The following MRPL42 variants were observed in gnomAD, a reference collection of about 807,000 sequenced individuals.
MRPL42 encodes the protein mitochondrial ribosomal protein L42, also known as large ribosomal subunit protein mL42.
A neutral mutation model predicts 17.9 loss-of-function variants in MRPL42; 17 were observed. That is an observed-to-expected ratio of 0.95 (90% CI 0.65 to 1.42). MRPL42 has a LOEUF of 1.42. Ranked by LOEUF, MRPL42 falls within the 40% of genes most tolerant of loss-of-function variation. The pLI is 0.00. For missense variants in MRPL42, 177 were observed against 175.2 expected, an observed-to-expected ratio of 1.01 and a Z score of -0.06; for synonymous variants, 59 against 54.4, an observed-to-expected ratio of 1.08 and a Z score of -0.37.
At chr12:93,488,116 G>A (rs1156830706) in intron 5 of MRPL42, among the ~76,000 whole-genome samples, 4 of 152,030 alleles carry the variant, frequency 2.6e-5, no homozygotes, top group African/African-American at 7.2e-5. Flanking sequence ...GACTACAGGC[G>A]CATGCCACTA....
chr12:93,504,161 G>A lies in MRPL42; in HGVS notation c.*2940G>A, dbSNP rs1953638922. On this transcript the variant is annotated 3_prime_UTR_variant, in exon 6 of 6. Transcript: ENST00000549982. ...TTAAACTGTATACTTTTTGGGTTTT[G>A]GAGATGGAGGTTTGCTCTGCCCAAG... is the stretch of plus-strand genomic sequence containing the variant. The A allele has an allele frequency of 6.5e-6, 1 of 153,778 alleles. No homozygotes were observed. Among genetic ancestry groups the A allele is most frequent in the South Asian group, 2.0e-4 (1 of 4,898 alleles). 9.5% of individuals were successfully genotyped at this position (153,778 alleles called of 1,614,324 possible).
intron 2 of MRPL42, among the ~76,000 whole-genome samples, chr12:93,470,878 T>C (rs1879878510): frequency 6.6e-6 from 1 of 152,254 alleles, no homozygotes; most frequent in Non-Finnish European, 1.5e-5. Context: ...CTTGTTTCCA[T>C]GTCTTCGCTA....
intron 5 of MRPL42, chr12:93,500,602 A>G (rs1953571721): frequency 6.6e-6 from 1 of 152,160 alleles, no homozygotes; most frequent in African/African-American, 2.4e-5. Flanking sequence ...TGTAAATAAA[A>G]CTTTTAACAG....
chr12:93,483,101 G>A (rs1474182024), intron 4 of MRPL42, among the ~76,000 whole-genome samples: 1 of 152,016 alleles, frequency 6.6e-6, no homozygotes, highest in Non-Finnish European at 1.5e-5. Flanking sequence ...CGCCATGTTG[G>A]CCAGGCTGGT....
chr12:93,491,093 G>C (rs1258037222), intron 5 of MRPL42, among the ~76,000 whole-genome samples: 1 of 152,038 alleles, frequency 6.6e-6, no homozygotes, highest in African/African-American at 2.4e-5. Flanking sequence ...GTTTCACCAT[G>C]TTGGCCAGGC....
At chr12:93,487,827 C>G in intron 5 of MRPL42, 167 bp downstream of exon 5, 1 of 559,714 alleles carries the variant, frequency 1.8e-6, no homozygotes, top group Non-Finnish European at 3.0e-6. Context: ...GACAGGATCT[C>G]GCTCTGTCAC....
chr12:93,514,216 G>A lies in MRPL42; in HGVS notation c.*12995G>A, dbSNP rs557721736. ...TTCTCTTGAATTCTTTTAGTAACTA[G>A]GAGTTCACTACGTTTCCATGGACCT... On this transcript the variant is annotated 3_prime_UTR_variant, in exon 6 of 6. Coordinates refer to ENST00000549982, the MANE Select transcript of MRPL42 (RefSeq NM_014050.4). The A allele has an allele frequency of 6.5e-4, 99 of 151,892 alleles. No individual in the cohort carries two copies. The highest frequency in any genetic ancestry group is 2.2e-3 in the African/African-American group (90 of 41,416). The allele number at this position is 151,892 out of a possible 1,614,324, so 9.4% of individuals were successfully genotyped here.
In MRPL42 at chr12:93,507,098, T is replaced by A. The variant is rs1953679502; in HGVS notation, c.*5877T>A. ...ATATACATACTGATGAAATGTGCCT[T>A]TAGCAATAGATGTGTCCAGTGATGT... On this transcript the variant is annotated 3_prime_UTR_variant, in exon 6 of 6. Transcript: ENST00000549982. The A allele has an allele frequency of 6.6e-6, 1 of 152,232 alleles. No individual in the cohort carries two copies. Among genetic ancestry groups the A allele is most frequent in the African/African-American group, 2.4e-5 (1 of 41,466 alleles). 9.4% of individuals were successfully genotyped at this position (152,232 alleles called of 1,614,324 possible). A position where few individuals can be genotyped will look rare whatever the true frequency, so the allele number is the denominator to read the frequency against.
chr12:93,494,036 G>A (rs959119911), intron 5 of MRPL42, among the ~76,000 whole-genome samples: 4 of 129,022 alleles, frequency 3.1e-5, no homozygotes, highest in Non-Finnish European at 6.5e-5. Flanking sequence ...ATGGAAGGAA[G>A]GACATGTTCA....
At position 93,469,259 on chromosome 12, in the gene MRPL42, AC is replaced by A. The variant is rs778504268; in HGVS notation, c.-25del. The A allele has an allele frequency of 2.2e-5, 35 of 1,572,942 alleles. No homozygotes were observed. Among genetic ancestry groups the A allele is most frequent in the Non-Finnish European group, 2.8e-5 (32 of 1,158,204 alleles). On this transcript the variant is annotated 5_prime_UTR_variant, in exon 2 of 6. Coordinates refer to ENST00000549982, the MANE Select transcript of MRPL42 (RefSeq NM_014050.4). ...TTCTCTTCAGAACATCTTTTTTCAT[AC>A]CACTTGATAAGCATCTTGAAACACC...
rs969693375 is a variant in MRPL42, at chr12:93,515,428, G to A, written c.*14207G>A. 3 of 151,722 alleles carry A rather than the reference G, an allele frequency of 2.0e-5. No individual in the cohort carries two copies. The highest frequency in any genetic ancestry group is 4.4e-5 in the Non-Finnish European group (3 of 67,990). 9.4% of individuals were successfully genotyped at this position (151,722 alleles called of 1,614,324 possible). ...GTGTTGCCCAGGCTGGAGTGCAGTG[G>A]GGTGATCTCGGCTCACTGCAACCTC... On this transcript the variant is annotated 3_prime_UTR_variant, in exon 6 of 6. Transcript: ENST00000549982.
At position 93,501,548 on chromosome 12, in the gene MRPL42, C is replaced by T. The variant is rs777466345; in HGVS notation, c.*327C>T. On this transcript the variant is annotated 3_prime_UTR_variant, in exon 6 of 6. Coordinates refer to ENST00000549982, the MANE Select transcript of MRPL42 (RefSeq NM_014050.4). The stretch of plus-strand genomic sequence containing the variant: ...CAACACTTTATTATAAAACGGGCTT[C>T]GTGTTAGATAATTTTGCTAAACAGT... 1.2e-5 allele frequency: 2 copies of T among 172,170 alleles called. No homozygotes were observed. The highest frequency in any genetic ancestry group is 1.2e-5 in the Non-Finnish European group (1 of 81,742). The allele number at this position is 172,170 out of a possible 1,614,324, so 10.7% of individuals were successfully genotyped here. A position where few individuals can be genotyped will look rare whatever the true frequency, so the allele number is the denominator to read the frequency against.
rs1953764931 is a variant in MRPL42 at position 93,514,882 on chromosome 12, T to C, written c.*13661T>C. 1 of 152,148 alleles carries C rather than the reference T, an allele frequency of 6.6e-6. No individual in the cohort carries two copies. 9.4% of individuals were successfully genotyped at this position (152,148 alleles called of 1,614,324 possible). The stretch of plus-strand genomic sequence containing the variant: ...TTTTTTTACTGTGGACAGTATACTT[T>C]TACGAATGGTGCCAATAATGCATTA... On this transcript the variant is annotated 3_prime_UTR_variant, in exon 6 of 6. Transcript: ENST00000549982.
intron 5 of MRPL42, among the ~76,000 whole-genome samples, chr12:93,495,007 C>T (rs1045215431): frequency 1.3e-5 from 2 of 152,142 alleles, no homozygotes; most frequent in Non-Finnish European, 1.5e-5. Flanking sequence ...GGTGGAGCTT[C>T]GTGAAGTTCA....
At chr12:93,488,156 G>T in intron 5 of MRPL42, 1 of 356,720 alleles carries the variant, frequency 2.8e-6, no homozygotes, top group Non-Finnish European at 5.0e-6. Context: ...ATTTTCATTA[G>T]AGGCGGGGTT....
chr12:93,480,871 A>G (rs1880428399), intron 4 of MRPL42, among the ~76,000 whole-genome samples: 1 of 151,880 alleles, frequency 6.6e-6, no homozygotes, highest in Non-Finnish European at 1.5e-5. Flanking sequence ...TAAACTCACC[A>G]TTTTGTCTCC....
rs7971930 is a variant in MRPL42, at chr12:93,474,259, C to T, written c.71-2695C>T. Among the ~76,000 whole-genome samples the T allele has an allele frequency of 9.6e-3, 1,452 of 151,964 alleles. 21 individuals carry two copies. The highest frequency in any genetic ancestry group is 0.033 in the African/African-American group (1,382 of 41,472). The stretch of plus-strand genomic sequence containing the variant: ...TCTAGTTGGTTTATATTCAGAGATA[C>T]AAAATTGTTTTTTTTTAATTTATAT... On this transcript the variant is annotated intron_variant, in intron 2 of 5. Transcript: ENST00000549982.
intron 5 of MRPL42, chr12:93,500,662 AAT>A (rs1953573364): frequency 6.6e-6 from 1 of 152,260 alleles, no homozygotes; most frequent in African/African-American, 2.4e-5. Flanking sequence ...TGGAAGCCTA[AAT>A]CTCACCAGAT....
At chr12:93,480,145 A>G (rs1313738297) in intron 4 of MRPL42, among the ~76,000 whole-genome samples, 1 of 151,484 alleles carries the variant, frequency 6.6e-6, no homozygotes, top group East Asian at 1.9e-4. Flanking sequence ...TTTTTGAGAC[A>G]GGGTCTCACT....
Sources: gnomAD v4.1 joint callset for allele counts (sites outside exome capture counted in the v4.1 genomes callset) on GRCh38, gnomAD v4.1.1 for gene constraint, MANE v1.5 for transcripts, NCBI Gene and HGNC (gene_info 2026-07-23, HGNC 2026-07-21) for gene names.